The following CUL2 variants were observed in gnomAD, a reference collection of about 807,000 sequenced individuals.
CUL2 encodes the protein cullin 2, also known as cullin-2.
CUL2 carries 22 observed loss-of-function variants against 110.2 expected under a neutral mutation model. The observed-to-expected ratio is 0.20, with a 90% CI of 0.14 to 0.28. The LOEUF is 0.28. Ranked by LOEUF, CUL2 falls within the 10% of genes least tolerant of loss-of-function variation. CUL2 has a pLI of 1.00. For missense variants in CUL2, 631 were observed against 905.5 expected, an observed-to-expected ratio of 0.70 and a Z score of 3.89; for synonymous variants, 279 against 293.2, an observed-to-expected ratio of 0.95 and a Z score of 0.49.
chr10:35,111,030 T>C (rs1289588384), intron 1 of CUL2, among the ~76,000 whole-genome samples: 1 of 152,134 alleles, frequency 6.6e-6, no homozygotes, highest in Non-Finnish European at 1.5e-5. Flanking sequence ...TTAGGATTTT[T>C]AGATTAGGAG....
At chr10:35,086,339 C>A (rs1478144281) in intron 1 of CUL2, among the ~76,000 whole-genome samples, 2 of 152,006 alleles carry the variant, frequency 1.3e-5, no homozygotes, top group African/African-American at 4.8e-5. Context: ...AGTTCTGTCA[C>A]CCAGGCTGGA....
At chr10:35,052,691 C>A (rs565412613) in intron 5 of CUL2, among the ~76,000 whole-genome samples, 2 of 151,880 alleles carry the variant, frequency 1.3e-5, no homozygotes, top group Non-Finnish European at 1.5e-5. Flanking sequence ...GTCAGGAGAT[C>A]GAGACCATCC....
rs2084821139 is a variant in CUL2 at position 35,008,726 on chromosome 10, C to CA, written c.*1584dup. ...CAGTAGATTTTTAAAACACTTGAGA[C>CA]ACGAGTTAGAAAAAATGCAATTGAA... On this transcript the variant is annotated 3_prime_UTR_variant, in exon 21 of 21. Transcript: ENST00000374749. The CA allele has an allele frequency of 6.6e-6, 1 of 152,168 alleles. No individual in the cohort carries two copies. The highest frequency in any genetic ancestry group is 1.5e-5 in the Non-Finnish European group (1 of 68,006). 9.4% of individuals were successfully genotyped at this position (152,168 alleles called of 1,614,324 possible).
Position 35,115,654 on chromosome 10 carries a change from G to A in CUL2, c.-51+10951C>T, listed in dbSNP as rs185625073. 2.2e-4 allele frequency among the ~76,000 whole-genome samples: 33 copies of A among 152,282 alleles called. No homozygotes were observed. In the East Asian group the frequency reaches 6.0e-3, roughly 28 times the overall value. Reference sequence around the variant, plus strand: ...CACACCTGTAAACTCAGCACTTTGGGAGGCCAAGGCATGAGGATCACTTGA... The same window carrying A: ...CACACCTGTAAACTCAGCACTTTGGAAGGCCAAGGCATGAGGATCACTTGA... On this transcript the variant is annotated intron_variant, in intron 1 of 5. Coordinates refer to the CUL2 transcript ENST00000685421.
chr10:35,119,632 A>T (rs553187280), intron 1 of CUL2, among the ~76,000 whole-genome samples: 34 of 151,862 alleles, frequency 2.2e-4, no homozygotes, highest in African/African-American at 6.3e-4. Flanking sequence ...TCACTCTGTT[A>T]TCCAGGTTAC....
In CUL2 at chr10:35,080,433, T is replaced by TTTTATTTATTTA. The variant is rs139166454; in HGVS notation, c.-22-9106_-22-9095dup. ...GACTTTCTGGCTTTAGAATTCCTAT[T>TTTTATTTATTTA]TTTATTTATTTATTTATTTATTTAT... On this transcript the variant is annotated intron_variant, in intron 1 of 20. Transcript: ENST00000374749. Among the ~76,000 whole-genome samples, 179 of 140,678 alleles carry TTTTATTTATTTA rather than the reference T, an allele frequency of 1.3e-3. 1 individual carries two copies. The highest frequency in any genetic ancestry group is 3.6e-3 in the Middle Eastern group (1 of 276). The allele number at this position is 140,678 out of a possible 152,430, so 92.3% of individuals were successfully genotyped here. A position where few individuals can be genotyped will look rare whatever the true frequency, so the allele number is the denominator to read the frequency against.
rs1554851929 is a variant in CUL2 at position 35,009,201 on chromosome 10, T to TATTTTA, written c.*1109_*1110insTAAAAT. ...CTGTTGAGATATATATATATATATATTATATATATATATATATATAAAATA... is the reference window on the plus strand; with the variant it reads ...CTGTTGAGATATATATATATATATATATTTTATATATATATATATATATATAAAATA... On this transcript the variant is annotated 3_prime_UTR_variant, in exon 21 of 21. Transcript: ENST00000374749. 4.4e-5 allele frequency: 6 copies of TATTTTA among 137,896 alleles called. No homozygotes were observed. Among genetic ancestry groups the TATTTTA allele is most frequent in the Admixed American group, 3.0e-4 (4 of 13,194 alleles). 8.5% of individuals were successfully genotyped at this position (137,896 alleles called of 1,614,324 possible). A position where few individuals can be genotyped will look rare whatever the true frequency, so the allele number is the denominator to read the frequency against.
intron 6 of CUL2, among the ~76,000 whole-genome samples, chr10:35,049,241 G>C (rs1309623157): frequency 6.6e-6 from 1 of 152,150 alleles, no homozygotes; most frequent in Non-Finnish European, 1.5e-5. Flanking sequence ...TTATCTCACA[G>C]AATTAGGCAA....
In CUL2 at chr10:35,031,666, A is replaced by T; in HGVS notation, c.1171-47T>A. On this transcript the variant is annotated intron_variant, in intron 12 of 20. Transcript: ENST00000374749. This position sits in a 1 kb window ranked among gnomAD's most constrained non-coding sequence, Gnocchi z 4.4. Reference sequence around the variant, plus strand: ...AATCTTACAAAGGGTGCTTCTGTATATATCACGCCTCAAAGGAGGCAAAGT... The same window carrying T: ...AATCTTACAAAGGGTGCTTCTGTATTTATCACGCCTCAAAGGAGGCAAAGT... 6.2e-7 allele frequency: 1 copy of T among 1,601,956 alleles called. No individual in the cohort carries two copies. The highest frequency in any genetic ancestry group is 2.2e-5 in the East Asian group (1 of 44,700).
At chr10:35,054,294 T>C (rs2086189466) in intron 5 of CUL2, 140 bp downstream of exon 5, 2 of 545,910 alleles carry the variant, frequency 3.7e-6, no homozygotes, top group East Asian at 3.4e-5. Context: ...GAAATCACTA[T>C]AGCATTTTAT....
intron 1 of CUL2, among the ~76,000 whole-genome samples, chr10:35,077,914 C>G (rs1290955118): frequency 2.0e-5 from 3 of 151,950 alleles, no homozygotes; most frequent in Non-Finnish European, 2.9e-5. Flanking sequence ...AATTAAACAG[C>G]TTGCTCATGA....
At position 35,008,989 on chromosome 10, in the gene CUL2, GA is replaced by G. The variant is rs1308502074; in HGVS notation, c.*1321del. The G allele has an allele frequency of 1.3e-5, 2 of 151,864 alleles. No homozygotes were observed. Among genetic ancestry groups the G allele is most frequent in the African/African-American group, 4.8e-5 (2 of 41,360 alleles). 9.4% of individuals were successfully genotyped at this position (151,864 alleles called of 1,614,324 possible). On this transcript the variant is annotated 3_prime_UTR_variant, in exon 21 of 21. Coordinates refer to ENST00000374749, the MANE Select transcript of CUL2 (RefSeq NM_003591.4). ...CATGCTTGTAATCCCAGCACTTTGG[GA>G]GACAGAGATAGGATTGCTTGAGGCC...
In CUL2 at chr10:35,031,413, T is replaced by C. The variant is rs1588970084; in HGVS notation, c.1300-27A>G. 2 of 1,597,780 alleles carry C rather than the reference T, an allele frequency of 1.3e-6. No homozygotes were observed. The highest frequency in any genetic ancestry group is 1.7e-6 in the Non-Finnish European group (2 of 1,171,200). ...TACATTTAAAAATATTTTAAAAGAT[T>C]ACTTCCTTTCTAATGATTTAGCATT... On this transcript the variant is annotated intron_variant, in intron 13 of 20. Coordinates refer to ENST00000374749, the MANE Select transcript of CUL2 (RefSeq NM_003591.4). The surrounding 1 kb of genome is among the most constrained non-coding windows in gnomAD (Gnocchi z 4.4).
At chr10:35,011,223 T>C (rs1370309900) in intron 20 of CUL2, among the ~76,000 whole-genome samples, 1 of 150,224 alleles carries the variant, frequency 6.7e-6, no homozygotes, top group East Asian at 1.9e-4. Flanking sequence ...TTTTTTTTTT[T>C]TTTTTTTTTA....
intron 1 of CUL2, among the ~76,000 whole-genome samples, chr10:35,106,560 C>T (rs2087459932): frequency 6.6e-6 from 1 of 151,498 alleles, no homozygotes; most frequent in South Asian, 2.1e-4. Context: ...TCTCAATCTC[C>T]TGACCTCATG....
chr10:35,098,152 C>CT lies in CUL2; in HGVS notation c.167+2691dup, dbSNP rs1329787541. 5 of 152,032 alleles carry CT rather than the reference C, an allele frequency of 3.3e-5. No homozygotes were observed. The East Asian group carries it at 9.6e-4, about 29-fold the overall frequency. The allele number at this position is 152,032 out of a possible 1,614,324, so 9.4% of individuals were successfully genotyped here. On this transcript the variant is annotated intron_variant, in intron 2 of 5. Transcript: ENST00000685421. ...TTTAAAAGGAAATATAAAAAGTATT[C>CT]TTTTTTAATAAAAAGAAATTACCAG...
chr10:35,120,573 T>C (rs2087666199), intron 1 of CUL2: 1 of 152,180 alleles, frequency 6.6e-6, no homozygotes, highest in Non-Finnish European at 1.5e-5. Flanking sequence ...GAGTACTTAC[T>C]ACTCTAAAAT....
chr10:35,039,637 G>C (rs1422949816), intron 8 of CUL2, among the ~76,000 whole-genome samples: 2 of 152,180 alleles, frequency 1.3e-5, no homozygotes. Flanking sequence ...GGCCAAGGCA[G>C]GTGGATCATC....
At chr10:35,020,642 C>G (rs1174207805) in intron 17 of CUL2, among the ~76,000 whole-genome samples, 2 of 152,180 alleles carry the variant, frequency 1.3e-5, no homozygotes, top group Non-Finnish European at 2.9e-5. Context: ...TGTCTTTCAG[C>G]AACTGACCAG....
Sources: gnomAD v4.1 joint callset for allele counts (sites outside exome capture counted in the v4.1 genomes callset) on GRCh38, gnomAD v4.1.1 for gene constraint, Gnocchi (gnomAD v3.1) non-coding constraint, MANE v1.5 for transcripts, NCBI Gene and HGNC (gene_info 2026-07-23, HGNC 2026-07-21) for gene names.